Variants in ROBO1 observed in about 807,000 individuals in gnomAD.
The protein encoded by ROBO1 is roundabout guidance receptor 1.
A neutral mutation model predicts 195.9 loss-of-function variants in ROBO1; 149 were observed. The observed-to-expected ratio is 0.76, with a 90% CI of 0.67 to 0.87. ROBO1 has a LOEUF of 0.87. Among genes scored for constraint, ROBO1 ranks in the 40% least tolerant of loss-of-function variants. The probability of loss-of-function intolerance (pLI) is 0.00; values close to 1 mark genes in which losing one functional copy is unlikely to be tolerated. For missense variants in ROBO1, 1,933 were observed against 2,068.3 expected, an observed-to-expected ratio of 0.93 and a Z score of 1.27; for synonymous variants, 816 against 733.2, an observed-to-expected ratio of 1.11 and a Z score of -1.82.
intron 1 of ROBO1, among the ~76,000 whole-genome samples, chr3:79,674,788 C>A (rs1440071206): frequency 6.6e-6 from 1 of 151,044 alleles, no homozygotes; most frequent in African/African-American, 2.4e-5. Flanking sequence ...ACACTTTTAC[C>A]TAACTTTGTA....
intron 19 of ROBO1, among the ~76,000 whole-genome samples, chr3:78,649,665 C>G (rs950973202): frequency 6.6e-6 from 1 of 151,876 alleles, no homozygotes; most frequent in African/African-American, 2.4e-5. Context: ...TAAAAATTGC[C>G]TAGAAACAAA....
At chr3:78,639,320 G>T (rs1705773402) in intron 22 of ROBO1, among the ~76,000 whole-genome samples, 1 of 151,656 alleles carries the variant, frequency 6.6e-6, no homozygotes, top group Admixed American at 6.6e-5. Flanking sequence ...AAAATTAGCT[G>T]AGCCTGATGG....
chr3:79,018,424 A>C, intron 3 of ROBO1: 1 of 1,613,864 alleles, frequency 6.2e-7, no homozygotes, highest in Non-Finnish European at 8.5e-7. Flanking sequence ...GAGACATATT[A>C]ATCCAAACAG....
At chr3:79,445,662 ATTTT>A (rs375526795) in intron 2 of ROBO1, among the ~76,000 whole-genome samples, 1 of 134,104 alleles carries the variant, frequency 7.5e-6, no homozygotes. Flanking sequence ...AGGCCTGGCA[ATTTT>A]TTTTTTTTTT....
chr3:79,497,321 TTTTTA>T (rs1258007444), intron 2 of ROBO1, among the ~76,000 whole-genome samples: 2 of 152,214 alleles, frequency 1.3e-5, no homozygotes, highest in African/African-American at 2.4e-5. Context: ...CTCCCAAGAT[TTTTTA>T]TTTTATTTTT....
intron 1 of ROBO1, among the ~76,000 whole-genome samples, chr3:79,751,211 A>T (rs758339638): frequency 1.3e-5 from 2 of 152,200 alleles, no homozygotes; most frequent in Non-Finnish European, 2.9e-5. Flanking sequence ...ATACACAAGG[A>T]TAAACTGTGG....
At chr3:78,883,234 T>C (rs551131934) in intron 4 of ROBO1, among the ~76,000 whole-genome samples, 5 of 139,698 alleles carry the variant, frequency 3.6e-5, no homozygotes, top group African/African-American at 1.1e-4. Flanking sequence ...AATTTTCTAA[T>C]TTCTGTTGGT....
chr3:79,677,121 G>A (rs918267361), intron 1 of ROBO1, among the ~76,000 whole-genome samples: 3 of 151,990 alleles, frequency 2.0e-5, no homozygotes, highest in African/African-American at 7.2e-5. Context: ...CCTTGAGTGT[G>A]ACAAAGATTT....
At chr3:79,243,985 T>C (rs1304472796) in intron 2 of ROBO1, among the ~76,000 whole-genome samples, 1 of 152,182 alleles carries the variant, frequency 6.6e-6, no homozygotes, top group East Asian at 1.9e-4. Flanking sequence ...AAGTCTTTAA[T>C]CCATCTTGAA....
chr3:79,758,011 T>C (rs1425468635), intron 1 of ROBO1, among the ~76,000 whole-genome samples: 1 of 152,242 alleles, frequency 6.6e-6, no homozygotes, highest in Non-Finnish European at 1.5e-5. Context: ...TTGCAGGACA[T>C]GCTGAAATCT....
chr3:79,095,200 A>G (rs890384232), intron 3 of ROBO1, among the ~76,000 whole-genome samples: 13 of 151,990 alleles, frequency 8.6e-5, no homozygotes, highest in African/African-American at 3.1e-4. Flanking sequence ...AAATTTTTTG[A>G]TATTCCTTCA....
chr3:79,101,914 AG>A (rs1465255280), intron 3 of ROBO1, among the ~76,000 whole-genome samples: 1 of 151,864 alleles, frequency 6.6e-6, no homozygotes, highest in Non-Finnish European at 1.5e-5. Flanking sequence ...TTGTCAAACA[AG>A]TTTCATGTGA....
At chr3:79,463,385 C>A (rs1454426348) in intron 2 of ROBO1, among the ~76,000 whole-genome samples, 56 of 144,250 alleles carry the variant, frequency 3.9e-4, no homozygotes, top group African/African-American at 1.3e-3. Context: ...AAAAAAAAAA[C>A]ATAAAACAAA....
intron 10 of ROBO1, among the ~76,000 whole-genome samples, chr3:78,675,241 C>A (rs1365049174): frequency 4.0e-5 from 6 of 151,778 alleles, no homozygotes; most frequent in Non-Finnish European, 5.9e-5. Flanking sequence ...GTGAGCGACG[C>A]AGAAGATGGG....
rs576445703 is a variant in ROBO1 at position 79,406,803 on chromosome 3, T to C, written c.88+183021A>G. On this transcript the variant is annotated intron_variant, in intron 2 of 30. Coordinates refer to ENST00000464233, the MANE Select transcript of ROBO1 (RefSeq NM_002941.4). ...TATGTTGATGTGAGACAATTCTTTT[T>C]TCTTCACATATAATTCTTTGTTTTT... Among the ~76,000 whole-genome samples, 4 of 152,308 alleles carry C rather than the reference T, an allele frequency of 2.6e-5. No individual in the cohort carries two copies. In the East Asian group the frequency reaches 7.7e-4, roughly 29 times the overall value.
chr3:78,921,911 C>T (rs1392003729), intron 4 of ROBO1, among the ~76,000 whole-genome samples: 3 of 151,874 alleles, frequency 2.0e-5, no homozygotes, highest in Admixed American at 6.6e-5. Context: ...CTTGGCCTCC[C>T]GAGTAGCTGG....
intron 4 of ROBO1, among the ~76,000 whole-genome samples, chr3:78,884,228 C>A (rs954376023): frequency 2.6e-5 from 4 of 152,068 alleles, no homozygotes; most frequent in African/African-American, 9.7e-5. Context: ...AATAACAGAC[C>A]TGCATCTTAG....
intron 20 of ROBO1, among the ~76,000 whole-genome samples, chr3:78,646,619 A>AC (rs397708829): frequency 6.7e-6 from 1 of 149,012 alleles, no homozygotes. Context: ...AAAAAAAAAA[A>AC]CTACTAGATT....
intron 3 of ROBO1, among the ~76,000 whole-genome samples, chr3:79,044,119 G>A (rs1365692387): frequency 6.5e-5 from 7 of 107,376 alleles, no homozygotes; most frequent in Admixed American, 2.4e-4. Context: ...AATGATAGTT[G>A]ATGAGCTAAA....
Sources: allele counts gnomAD v4.1 joint callset (sites outside exome capture counted in the v4.1 genomes callset), GRCh38; gene constraint gnomAD v4.1.1; transcripts MANE v1.5; gene names NCBI Gene and HGNC (gene_info 2026-07-23, HGNC 2026-07-21).